PPP2R2B: variants seen among roughly 807,000 people sequenced by gnomAD.
PPP2R2B encodes protein phosphatase 2 regulatory subunit Bbeta, also known as serine/threonine-protein phosphatase 2A 55 kDa regulatory subunit B beta isoform.
In PPP2R2B, 5 loss-of-function variants were observed where a neutral mutation model predicts 46.0. The observed-to-expected ratio is 0.11, with a 90% CI of 0.06 to 0.23. PPP2R2B has a LOEUF of 0.23. PPP2R2B is among the 10% of genes least tolerant of loss of function. The pLI is 1.00. For missense variants in PPP2R2B, 367 were observed against 575.0 expected (o/e 0.64, Z 3.70); for synonymous variants, 215 against 206.7 (o/e 1.04, Z -0.34).
chr5:146,696,020 GAAT>G (rs1239585925), intron 4 of PPP2R2B, among the ~76,000 whole-genome samples: 1 of 151,714 alleles, frequency 6.6e-6, no homozygotes, highest in Non-Finnish European at 1.5e-5. Flanking sequence ...TCAATTAACA[GAAT>G]ATTATGCTAT....
At chr5:146,771,100 T>A (rs1269361589) in intron 2 of PPP2R2B, among the ~76,000 whole-genome samples, 2 of 152,172 alleles carry the variant, frequency 1.3e-5, no homozygotes, top group East Asian at 3.8e-4. Context: ...GATTATGAGA[T>A]AACATCAGAT....
Position 146,878,727 on chromosome 5 carries a change from A to T in PPP2R2B, c.-261T>A, listed in dbSNP as rs866053045. 6.9e-6 allele frequency: 9 copies of T among 1,297,456 alleles called. No homozygotes were observed. The highest frequency in any genetic ancestry group is 4.7e-5 in the Admixed American group (2 of 42,306). The allele number at this position is 1,297,456 out of a possible 1,614,324, so 80.4% of individuals were successfully genotyped here. A position where few individuals can be genotyped will look rare whatever the true frequency, so the allele number is the denominator to read the frequency against. On this transcript the variant is annotated 5_prime_UTR_variant, in exon 1 of 10. Transcript: ENST00000394411. The surrounding 1 kb of genome is among the most constrained non-coding windows in gnomAD (Gnocchi z 4.5). ...CTCACACCCACACGCGCGCACTCGC[A>T]GCTGCTGCTGCTGCTGCTGCTGCTG... is the stretch of plus-strand genomic sequence containing the variant.
At chr5:146,627,859 A>T (rs1375024288) in intron 7 of PPP2R2B, among the ~76,000 whole-genome samples, 1 of 152,094 alleles carries the variant, frequency 6.6e-6, no homozygotes, top group Non-Finnish European at 1.5e-5. Context: ...TCTGATTTGC[A>T]TTGTTGGACT....
chr5:147,078,157 A>G (rs559119959), intron 2 of PPP2R2B, among the ~76,000 whole-genome samples: 25 of 152,324 alleles, frequency 1.6e-4, no homozygotes, highest in African/African-American at 5.5e-4. Context: ...ACCTGTCATA[A>G]GGTTTTGGTG....
At chr5:147,009,856 C>T (rs1045927192) in intron 1 of PPP2R2B, among the ~76,000 whole-genome samples, 6 of 135,886 alleles carry the variant, frequency 4.4e-5, no homozygotes, top group African/African-American at 1.3e-4. Context: ...TATATATACA[C>T]ACACACATAC....
At chr5:146,905,133 GACTA>G (rs1762955735) in intron 1 of PPP2R2B, among the ~76,000 whole-genome samples, 2 of 152,138 alleles carry the variant, frequency 1.3e-5, no homozygotes, top group Non-Finnish European at 2.9e-5. Context: ...GAATTGCCAA[GACTA>G]ACTATGTCAA....
At chr5:146,927,760 G>A (rs1317804563) in intron 1 of PPP2R2B, among the ~76,000 whole-genome samples, 2 of 149,978 alleles carry the variant, frequency 1.3e-5, no homozygotes, top group Non-Finnish European at 3.0e-5. Flanking sequence ...TTTAGATGGA[G>A]TCTCACTCTG....
rs1013823383 is a variant in PPP2R2B, at chr5:146,581,335, T to C, written c.*8612A>G. On this transcript the variant is annotated 3_prime_UTR_variant, in exon 10 of 10. Transcript: ENST00000394411. ...ACAGAGGGGAGGTTCTTCACACCTT[T>C]AAACAACCAGATCTCGTGAGAACTT... 2 of 151,214 alleles carry C rather than the reference T, an allele frequency of 1.3e-5. No homozygotes were observed. Among genetic ancestry groups the C allele is most frequent in the African/African-American group, 4.9e-5 (2 of 41,112 alleles). The allele number at this position is 151,214 out of a possible 1,614,324, so 9.4% of individuals were successfully genotyped here. A position where few individuals can be genotyped will look rare whatever the true frequency, so the allele number is the denominator to read the frequency against.
chr5:146,647,861 A>T (rs1423194018), intron 6 of PPP2R2B, among the ~76,000 whole-genome samples: 1 of 152,228 alleles, frequency 6.6e-6, no homozygotes, highest in Non-Finnish European at 1.5e-5. Flanking sequence ...CTGCCAGGCA[A>T]AATCTGTAGG....
intron 7 of PPP2R2B, among the ~76,000 whole-genome samples, chr5:146,618,231 A>G (rs1168394142): frequency 6.6e-6 from 1 of 152,168 alleles, no homozygotes; most frequent in Non-Finnish European, 1.5e-5. Context: ...AGTCTGAATA[A>G]CCGTATATGA....
chr5:146,907,364 C>T (rs1022521871), intron 1 of PPP2R2B, among the ~76,000 whole-genome samples: 1 of 152,196 alleles, frequency 6.6e-6, no homozygotes. Flanking sequence ...CCCAGAGCTT[C>T]TTCAGGACAT....
At chr5:146,904,942 AC>A (rs1394389691) in intron 1 of PPP2R2B, among the ~76,000 whole-genome samples, 3 of 152,236 alleles carry the variant, frequency 2.0e-5, no homozygotes. Flanking sequence ...ATTTAAAACA[AC>A]TTTTACAAAT....
intron 2 of PPP2R2B, among the ~76,000 whole-genome samples, chr5:146,728,138 C>CTTTTTTTTTTTT (rs757396751): frequency 1.2e-5 from 1 of 82,506 alleles, no homozygotes; most frequent in African/African-American, 4.8e-5. Context: ...GAAACACTTA[C>CTTTTTTTTTTTT]TTTTTTTTTT....
At chr5:147,003,490 A>C (rs889664493) in intron 1 of PPP2R2B, among the ~76,000 whole-genome samples, 1 of 152,172 alleles carries the variant, frequency 6.6e-6, no homozygotes, top group Non-Finnish European at 1.5e-5. Flanking sequence ...CAAACCTTTG[A>C]TCTCACTTGG....
intron 1 of PPP2R2B, among the ~76,000 whole-genome samples, chr5:147,034,369 G>T (rs570160361): frequency 6.6e-6 from 1 of 151,602 alleles, no homozygotes; most frequent in South Asian, 2.1e-4. Flanking sequence ...TCCTTTTATT[G>T]TCTGTTTTAT....
chr5:146,764,800 CGAGAGAGAGAGAGA>C (rs67810307), intron 2 of PPP2R2B, among the ~76,000 whole-genome samples: 2 of 149,808 alleles, frequency 1.3e-5, no homozygotes, highest in African/African-American at 2.5e-5. Context: ...ATCTCTATCC[CGAGAGAGAGAGAGA>C]GAGAGAGAGA....
At chr5:146,800,748 A>T (rs1308551104) in intron 2 of PPP2R2B, among the ~76,000 whole-genome samples, 2 of 151,944 alleles carry the variant, frequency 1.3e-5, no homozygotes, top group Non-Finnish European at 2.9e-5. Flanking sequence ...GGTAGGAATG[A>T]CTAGGGGTTC....
chr5:146,985,103 C>A (rs761238897), intron 1 of PPP2R2B, among the ~76,000 whole-genome samples: 98 of 145,502 alleles, frequency 6.7e-4, no homozygotes, highest in Non-Finnish European at 9.6e-4. Flanking sequence ...TCACTGCAAC[C>A]TATGCCTCCC....
chr5:146,726,767 C>T (rs113112383), intron 2 of PPP2R2B, among the ~76,000 whole-genome samples: 3,660 of 152,262 alleles, frequency 0.024, 135 homozygotes, highest in African/African-American at 0.08. Flanking sequence ...GGATTTCCCA[C>T]AGTCTCTTTT....
Sources: gnomAD v4.1 joint callset for allele counts (sites outside exome capture counted in the v4.1 genomes callset) on GRCh38, gnomAD v4.1.1 for gene constraint, Gnocchi (gnomAD v3.1) non-coding constraint, MANE v1.5 for transcripts, NCBI Gene and HGNC (gene_info 2026-07-23, HGNC 2026-07-21) for gene names.